Variants in GRID2 observed in about 807,000 individuals in gnomAD.
GRID2 encodes glutamate ionotropic receptor delta type subunit 2.
GRID2 carries 33 observed loss-of-function variants against 114.8 expected under a neutral mutation model. The ratio of observed to expected loss-of-function variants is 0.29; its 90% CI spans 0.22 to 0.38. The LOEUF (loss-of-function observed/expected upper bound fraction) is 0.38, where lower values mean the gene tolerates loss of function less well. GRID2 is among the 10% of genes least tolerant of loss of function. GRID2 has a pLI of 1.00. For synonymous variants in GRID2, 505 were observed against 449.9 expected, an observed-to-expected ratio of 1.12 and a Z score of -1.55; for missense variants, 1,184 against 1,257.7, an observed-to-expected ratio of 0.94 and a Z score of 0.89.
chr4:92,873,709 G>T (rs532865145), intron 2 of GRID2, among the ~76,000 whole-genome samples: 3 of 152,048 alleles, frequency 2.0e-5, no homozygotes, highest in Admixed American at 6.6e-5. Context: ...AGGTTTTTTT[G>T]TTTGTTTGTT....
At chr4:93,432,215 C>G (rs937339910) in intron 10 of GRID2, among the ~76,000 whole-genome samples, 1 of 152,124 alleles carries the variant, frequency 6.6e-6, no homozygotes, top group Admixed American at 6.5e-5. Flanking sequence ...TTTATTGCTG[C>G]TAGTTTACAC....
chr4:92,372,227 A>C (rs1729149408), intron 1 of GRID2, among the ~76,000 whole-genome samples: 1 of 152,168 alleles, frequency 6.6e-6, no homozygotes, highest in Non-Finnish European at 1.5e-5. Flanking sequence ...TAATTGATAA[A>C]GCTAGCATGG....
intron 2 of GRID2, among the ~76,000 whole-genome samples, chr4:92,736,649 C>A (rs562223490): frequency 6.6e-6 from 1 of 152,144 alleles, no homozygotes; most frequent in East Asian, 1.9e-4. Context: ...TTTAGGAGTT[C>A]TAAATATTTA....
chr4:93,122,898 T>TG (rs1172467605), intron 4 of GRID2, among the ~76,000 whole-genome samples: 6 of 147,856 alleles, frequency 4.1e-5, no homozygotes, highest in East Asian at 4.2e-4. Flanking sequence ...GGGTTTTTTT[T>TG]TTTTTTTTTT....
chr4:92,613,964 CATATA>C (rs1225807268), intron 2 of GRID2, among the ~76,000 whole-genome samples: 1 of 151,428 alleles, frequency 6.6e-6, no homozygotes, highest in Admixed American at 6.6e-5. Flanking sequence ...TGTTGAGATA[CATATA>C]ATATATAGTG....
At chr4:93,457,290 A>C (rs892252331) in intron 11 of GRID2, among the ~76,000 whole-genome samples, 1 of 152,112 alleles carries the variant, frequency 6.6e-6, no homozygotes, top group Non-Finnish European at 1.5e-5. Context: ...AGAGTTAACT[A>C]TGGAAAGTGC....
chr4:92,754,149 G>C (rs995532592), intron 2 of GRID2, among the ~76,000 whole-genome samples: 5 of 152,286 alleles, frequency 3.3e-5, no homozygotes, highest in African/African-American at 1.2e-4. Context: ...CCTTAGGAAG[G>C]GCATGTAATG....
At chr4:92,551,500 G>A (rs1726587522) in intron 1 of GRID2, among the ~76,000 whole-genome samples, 1 of 152,044 alleles carries the variant, frequency 6.6e-6, no homozygotes, top group African/African-American at 2.4e-5. Context: ...AATAATATCT[G>A]CCTTATCTCA....
intron 2 of GRID2, among the ~76,000 whole-genome samples, chr4:92,640,181 ATATT>A (rs1421253133): frequency 1.3e-5 from 2 of 151,458 alleles, no homozygotes; most frequent in African/African-American, 4.9e-5. Context: ...AGTAGATCAC[ATATT>A]TATTTAAAAA....
At chr4:93,245,595 T>C (rs575781021) in intron 8 of GRID2, among the ~76,000 whole-genome samples, 1 of 152,296 alleles carries the variant, frequency 6.6e-6, no homozygotes, top group South Asian at 2.1e-4. Context: ...TTTAAGATTA[T>C]TGTCTCACAG....
chr4:92,770,974 A>G (rs977727201), intron 2 of GRID2, among the ~76,000 whole-genome samples: 4 of 152,056 alleles, frequency 2.6e-5, no homozygotes, highest in African/African-American at 4.8e-5. Flanking sequence ...TTAGAACAGT[A>G]CTTCTGACAG....
Position 93,422,803 on chromosome 4 carries a change from C to T in GRID2, c.1380C>T (p.Val460=), listed in dbSNP as rs1768424631. ...CTTTTGTGATGGTCTCTGAAAATGT[C>T]TTGGGTAAGCCGAAGAAATACCAGG... ...EEPFVMVSEN[V]LGKPKKYQGF... is the part of the protein sequence containing the mutation. The change falls in exon 10 of 16, where the codon GTC becomes GTT. Residue 460 remains valine, a synonymous_variant. Transcript: ENST00000282020. 1.2e-6 allele frequency: 2 copies of T among 1,613,342 alleles called. No individual in the cohort carries two copies. The highest frequency in any genetic ancestry group is 1.7e-6 in the Non-Finnish European group (2 of 1,179,484).
At chr4:93,536,892 T>C (rs1732143152) in intron 13 of GRID2, among the ~76,000 whole-genome samples, 1 of 151,732 alleles carries the variant, frequency 6.6e-6, no homozygotes, top group Non-Finnish European at 1.5e-5. Context: ...CTTTAAAGGA[T>C]AGAAGTTTTA....
At position 92,610,293 on chromosome 4, in the gene GRID2, A is replaced by G. The variant is rs116058047; in HGVS notation, c.244+20007A>G. Among the ~76,000 whole-genome samples the G allele has an allele frequency of 3.1e-3, 466 of 151,756 alleles. 2 individuals carry two copies. Among genetic ancestry groups the G allele is most frequent in the African/African-American group, 0.011 (450 of 41,472 alleles). ...TGAGCAACAAGATAGGAGGAACATG[A>G]TTCTCCTGTAGAGAAGAGTTGCCCT... On this transcript the variant is annotated intron_variant, in intron 2 of 15. Coordinates refer to ENST00000282020, the MANE Select transcript of GRID2 (RefSeq NM_001510.4).
chr4:93,765,805 A>T lies in GRID2; in HGVS notation c.2361-3405A>T, dbSNP rs6844512. Among the ~76,000 whole-genome samples, 7 of 152,118 alleles carry T rather than the reference A, an allele frequency of 4.6e-5. No homozygotes were observed. The East Asian group carries it at 7.7e-4, about 17-fold the overall frequency. The stretch of plus-strand genomic sequence containing the variant: ...TGAATGAAGGAAGGAATAAATGAAC[A>T]TGAATTGAGGGCATTAAAAAAATGG... On this transcript the variant is annotated intron_variant, in intron 14 of 15. Coordinates refer to ENST00000282020, the MANE Select transcript of GRID2 (RefSeq NM_001510.4).
intron 2 of GRID2, among the ~76,000 whole-genome samples, chr4:92,951,250 A>G (rs1254228164): frequency 6.6e-6 from 1 of 152,044 alleles, no homozygotes; most frequent in Non-Finnish European, 1.5e-5. Flanking sequence ...CTTATTAAAT[A>G]TCTTGTTTTT....
intron 1 of GRID2, among the ~76,000 whole-genome samples, chr4:92,435,234 C>T (rs2110347606): frequency 6.6e-6 from 1 of 152,254 alleles, no homozygotes; most frequent in South Asian, 2.1e-4. Flanking sequence ...TGGGACATTT[C>T]ACAAATTTCC....
intron 9 of GRID2, among the ~76,000 whole-genome samples, chr4:93,410,653 G>T (rs1449862843): frequency 6.6e-6 from 1 of 152,170 alleles, no homozygotes; most frequent in East Asian, 1.9e-4. Flanking sequence ...GCATGATCTA[G>T]GCTCACTGCA....
chr4:92,556,961 A>G (rs190394528), intron 1 of GRID2, among the ~76,000 whole-genome samples: 11 of 152,186 alleles, frequency 7.2e-5, no homozygotes, highest in Admixed American at 7.2e-4. Flanking sequence ...CTAGTATAAT[A>G]AAATCATCAG....
Sources: gnomAD v4.1 joint callset for allele counts (sites outside exome capture counted in the v4.1 genomes callset) on GRCh38, gnomAD v4.1.1 for gene constraint, MANE v1.5 for transcripts, NCBI Gene and HGNC (gene_info 2026-07-23, HGNC 2026-07-21) for gene names.